The following MYO18B variants were observed in gnomAD, a reference collection of about 807,000 sequenced individuals.
MYO18B encodes the protein myosin XVIIIB, also known as unconventional myosin-XVIIIb.
MYO18B carries 204 observed loss-of-function variants against 273.0 expected under a neutral mutation model. The observed-to-expected ratio is 0.75, with a 90% CI of 0.67 to 0.84. The LOEUF (loss-of-function observed/expected upper bound fraction) is 0.84. MYO18B is among the 40% of genes least tolerant of loss of function. MYO18B has a pLI of 0.00. For missense variants in MYO18B, 3,212 were observed against 3,287.6 expected (o/e 0.98, Z 0.56); for synonymous variants, 1,330 against 1,305.7 (o/e 1.02, Z -0.40).
chr22:25,779,361 GTTAA>G lies in MYO18B; in HGVS notation c.2069-688_2069-685del, dbSNP rs566743283. Among the ~76,000 whole-genome samples the G allele has an allele frequency of 7.9e-5, 12 of 152,268 alleles. No individual in the cohort carries two copies. In the South Asian group the frequency reaches 2.1e-3, roughly 26 times the overall value. ...TAGTTAATTATTAATGAATTAACTA[GTTAA>G]TTAATTTGCCCCAAATCAGGTAACC... is the stretch of plus-strand genomic sequence containing the variant. On this transcript the variant is annotated intron_variant, in intron 8 of 43. Coordinates refer to ENST00000335473, the MANE Select transcript of MYO18B (RefSeq NM_032608.7).
chr22:26,030,989 G>A lies in MYO18B; in HGVS notation c.*559G>A. 1 of 398,502 alleles carries A rather than the reference G, an allele frequency of 2.5e-6. No individual in the cohort carries two copies. Among genetic ancestry groups the A allele is most frequent in the Non-Finnish European group, 4.4e-6 (1 of 226,036 alleles). The allele number at this position is 398,502 out of a possible 1,614,324, so 24.7% of individuals were successfully genotyped here. ...GTGTACAAGCATTCAAGAAACTGATGAATGATGAATGAATGAATGAGCCAA... is the reference window on the plus strand; with the variant it reads ...GTGTACAAGCATTCAAGAAACTGATAAATGATGAATGAATGAATGAGCCAA... On this transcript the variant is annotated 3_prime_UTR_variant, in exon 44 of 44. Transcript: ENST00000335473.
At chr22:26,045,007 A>C in the MYO18B span, among the ~76,000 whole-genome samples, 2 of 151,700 alleles carry the variant, frequency 1.3e-5, no homozygotes, top group African/African-American at 2.4e-5. Flanking sequence ...GTGACCTTGG[A>C]GTTCCTATCA....
At chr22:26,061,558 T>C in the MYO18B span, among the ~76,000 whole-genome samples, 1 of 151,910 alleles carries the variant, frequency 6.6e-6, no homozygotes, top group Non-Finnish European at 1.5e-5. Context: ...AATATCTCTC[T>C]GCTGCTCACA....
At chr22:25,926,761 C>T (rs1182724094) in intron 34 of MYO18B, among the ~76,000 whole-genome samples, 1 of 152,156 alleles carries the variant, frequency 6.6e-6, no homozygotes, top group Non-Finnish European at 1.5e-5. Flanking sequence ...TTAAGGGGCT[C>T]CTAGTCCTAG....
chr22:25,832,501 C>T (rs1451720675), intron 15 of MYO18B, among the ~76,000 whole-genome samples: 1 of 152,124 alleles, frequency 6.6e-6, no homozygotes, highest in Admixed American at 6.5e-5. Context: ...GGACATTATG[C>T]TAAGTTACAT....
intron 36 of MYO18B, among the ~76,000 whole-genome samples, chr22:25,949,422 T>G (rs1294673727): frequency 6.6e-6 from 1 of 152,102 alleles, no homozygotes; most frequent in Non-Finnish European, 1.5e-5. Flanking sequence ...ACAGAAGCTT[T>G]GGGGTGAAGC....
intron 12 of MYO18B, among the ~76,000 whole-genome samples, chr22:25,804,543 A>G (rs1351845306): frequency 6.6e-6 from 1 of 152,224 alleles, no homozygotes; most frequent in East Asian, 1.9e-4. Context: ...GGCTTTACAC[A>G]GGGACCAGGA....
chr22:25,895,521 A>G, intron 28 of MYO18B: 1 of 392,488 alleles, frequency 2.5e-6, no homozygotes, highest in Non-Finnish European at 4.6e-6. Flanking sequence ...GAACATGGAT[A>G]TTAACTCAGG....
At chr22:25,990,782 T>G (rs935295228) in intron 39 of MYO18B, among the ~76,000 whole-genome samples, 1 of 147,606 alleles carries the variant, frequency 6.8e-6, no homozygotes, top group African/African-American at 2.5e-5. Flanking sequence ...CATTTTCACT[T>G]AGCTACTCAG....
At chr22:25,785,991 C>G (rs1415352262) in intron 11 of MYO18B, among the ~76,000 whole-genome samples, 1 of 152,168 alleles carries the variant, frequency 6.6e-6, no homozygotes, top group Non-Finnish European at 1.5e-5. Flanking sequence ...CGATGGTTTC[C>G]TGATGAATAT....
intron 42 of MYO18B, among the ~76,000 whole-genome samples, chr22:26,024,261 A>G (rs552468017): frequency 1.3e-5 from 2 of 152,292 alleles, no homozygotes; most frequent in African/African-American, 2.4e-5. Flanking sequence ...ACTAACCATT[A>G]TTTGGGTAAT....
At chr22:25,865,054 G>A (rs1007444014) in intron 21 of MYO18B, among the ~76,000 whole-genome samples, 11 of 152,256 alleles carry the variant, frequency 7.2e-5, no homozygotes, top group Admixed American at 2.0e-4. Context: ...TGACAGTTTC[G>A]TATGGTTCAA....
chr22:26,001,039 T>C (rs1933905890), intron 40 of MYO18B, among the ~76,000 whole-genome samples: 2 of 152,212 alleles, frequency 1.3e-5, no homozygotes, highest in South Asian at 4.1e-4. Flanking sequence ...TTGCCGATAA[T>C]CTTAGGCTCT....
the MYO18B span, among the ~76,000 whole-genome samples, chr22:26,040,850 G>C: frequency 6.6e-6 from 1 of 152,190 alleles, no homozygotes; most frequent in Admixed American, 6.5e-5. Context: ...ATGAGGGTCA[G>C]ATGATGTAGG....
At chr22:25,908,252 A>G (rs952675052) in intron 31 of MYO18B, 70 bp from the exon 32 acceptor site, 2 of 1,237,792 alleles carry the variant, frequency 1.6e-6, no homozygotes, top group Non-Finnish European at 2.3e-6. Flanking sequence ...TTGGAATGCC[A>G]AGGATGACAT....
chr22:25,894,864 A>T, intron 27 of MYO18B: 1 of 223,568 alleles, frequency 4.5e-6, no homozygotes, highest in Non-Finnish European at 8.7e-6. Flanking sequence ...AAAAGGGAAG[A>T]TATGAATACA....
At chr22:25,818,666 A>C (rs2089146949) in intron 12 of MYO18B, among the ~76,000 whole-genome samples, 1 of 152,220 alleles carries the variant, frequency 6.6e-6, no homozygotes, top group African/African-American at 2.4e-5. Context: ...AAAGCAGTGA[A>C]TAGACAAGAA....
At chr22:26,016,333 T>G (rs971164029) in intron 42 of MYO18B, among the ~76,000 whole-genome samples, 1 of 152,218 alleles carries the variant, frequency 6.6e-6, no homozygotes, top group Admixed American at 6.5e-5. Flanking sequence ...TCTATTCCCT[T>G]CTCTGTTTTC....
chr22:25,816,197 G>C (rs1476369070), intron 12 of MYO18B, among the ~76,000 whole-genome samples: 1 of 152,146 alleles, frequency 6.6e-6, no homozygotes, highest in African/African-American at 2.4e-5. Flanking sequence ...AGCCACAGCT[G>C]CCTGAATTGG....
Sources: gnomAD v4.1 joint callset for allele counts (sites outside exome capture counted in the v4.1 genomes callset) on GRCh38, gnomAD v4.1.1 for gene constraint, MANE v1.5 for transcripts, NCBI Gene and HGNC (gene_info 2026-07-23, HGNC 2026-07-21) for gene names.